The following BLNK variants were observed in gnomAD, a reference collection of about 807,000 sequenced individuals.
BLNK encodes B cell linker.
BLNK carries 29 observed loss-of-function variants against 73.5 expected under a neutral mutation model. That is an observed-to-expected ratio of 0.39 (90% CI 0.29 to 0.54). The LOEUF (loss-of-function observed/expected upper bound fraction) is 0.54, where lower values mean the gene tolerates loss of function less well. Among genes scored for constraint, BLNK ranks in the 20% least tolerant of loss-of-function variants. BLNK has a pLI of 0.61. For synonymous variants in BLNK, 176 were observed against 200.8 expected (o/e 0.88, Z 1.04); for missense variants, 460 against 562.8 (o/e 0.82, Z 1.85).
intron 9 of BLNK, among the ~76,000 whole-genome samples, chr10:96,208,479 T>C (rs1245863858): frequency 2.0e-5 from 3 of 152,176 alleles, no homozygotes; most frequent in East Asian, 1.9e-4. Context: ...AAACCACTGA[T>C]GTGTGGTCCT....
At chr10:96,265,192 C>T (rs1198241072) in intron 1 of BLNK, among the ~76,000 whole-genome samples, 1 of 150,092 alleles carries the variant, frequency 6.7e-6, no homozygotes, top group Non-Finnish European at 1.5e-5. Flanking sequence ...TTATGTTGAC[C>T]CGGCTGGTCT....
chr10:96,236,439 A>G lies in BLNK; in HGVS notation c.164-5605T>C, dbSNP rs587645023. ...GGCCAGTCCCACCAGTGCCGCCCTAAGAGGAGAAAGGGACATGATTTAATG... is the reference window on the plus strand; with the variant it reads ...GGCCAGTCCCACCAGTGCCGCCCTAGGAGGAGAAAGGGACATGATTTAATG... On this transcript the variant is annotated intron_variant, in intron 3 of 16. Transcript: ENST00000224337. 2.0e-5 allele frequency among the ~76,000 whole-genome samples: 3 copies of G among 152,316 alleles called. No homozygotes were observed. The East Asian group carries it at 5.8e-4, about 29-fold the overall frequency.
chr10:96,244,523 C>T (rs765403795), intron 2 of BLNK, among the ~76,000 whole-genome samples: 14 of 152,158 alleles, frequency 9.2e-5, no homozygotes, highest in Non-Finnish European at 8.8e-5. Context: ...TTTTCTCATG[C>T]GGCCATAGAC....
At chr10:96,259,523 G>A (rs549282928) in intron 1 of BLNK, among the ~76,000 whole-genome samples, 107 of 152,170 alleles carry the variant, frequency 7.0e-4, no homozygotes, top group Non-Finnish European at 2.4e-4. Context: ...CTCAACACCC[G>A]AGGCAGAAAG....
rs138760943 is a variant in BLNK at position 96,231,882 on chromosome 10, C to G, written c.164-1048G>C. Among the ~76,000 whole-genome samples the G allele has an allele frequency of 9.3e-3, 1,411 of 152,336 alleles. 23 individuals are homozygous for G. The highest frequency in any genetic ancestry group is 0.032 in the African/African-American group (1,323 of 41,574). Reference sequence around the variant, plus strand: ...CTTCCACGGGCATGCGCTGAGCCCCCACATGGTGCTGCCTCGCTCCAGGGG... The same window carrying G: ...CTTCCACGGGCATGCGCTGAGCCCCGACATGGTGCTGCCTCGCTCCAGGGG... On this transcript the variant is annotated intron_variant, in intron 3 of 16. Transcript: ENST00000224337.
intron 1 of BLNK, among the ~76,000 whole-genome samples, chr10:96,257,521 A>T (rs1179171292): frequency 6.6e-6 from 1 of 152,254 alleles, no homozygotes; most frequent in Non-Finnish European, 1.5e-5. Flanking sequence ...CATGTTGGCC[A>T]TACTGGGGCC....
At chr10:96,207,834 G>A (rs2083857272) in intron 10 of BLNK, 38 bp downstream of exon 10, 1 of 1,610,834 alleles carries the variant, frequency 6.2e-7, no homozygotes, top group African/African-American at 1.3e-5. Context: ...AAACACTGCA[G>A]GAAATATGAA....
intron 1 of BLNK, 23 bp downstream of exon 1, chr10:96,271,329 G>A (rs1554915680): frequency 6.2e-7 from 1 of 1,612,176 alleles, no homozygotes; most frequent in Non-Finnish European, 8.5e-7. Flanking sequence ...ATGAAGAAGG[G>A]TATTGGGTGG....
At chr10:96,215,758 G>C (rs2084050298) in intron 7 of BLNK, 2 of 188,698 alleles carry the variant, frequency 1.1e-5, no homozygotes, top group South Asian at 1.2e-4. Flanking sequence ...ACCCCTTACT[G>C]GAGGGGCCCA....
chr10:96,193,327 C>T (rs782696626), intron 16 of BLNK, among the ~76,000 whole-genome samples: 4 of 152,130 alleles, frequency 2.6e-5, no homozygotes, highest in Non-Finnish European at 5.9e-5. Flanking sequence ...GGCCAGAAAA[C>T]GAAATAGCAC....
rs1751740730 is a variant in BLNK, at chr10:96,271,361, T to C, written c.38A>G (p.Gln13Arg). Residue 13 changes from glutamine to arginine, a missense_variant, in exon 1 of 17, where the codon CAG (glutamine) becomes CGG (arginine). By Grantham distance (43) the Gln-to-Arg change is conservative (BLOSUM62 1). This residue lies in a region of BLNK where 139 missense variants were observed against 187.3 expected (regional missense o/e 0.74). Transcript: ENST00000224337. ...GTGGGGAAAATCTTACCTCAACTTC[T>C]GACTGGCGGGGACGGTTATTTTATT... ...KLNKITVPAS[Q>R]KLRQLQKMVH... is the part of the protein sequence containing the mutation. 2 of 1,614,182 alleles carry C rather than the reference T, an allele frequency of 1.2e-6. No homozygotes were observed. The highest frequency in any genetic ancestry group is 4.5e-5 in the East Asian group (2 of 44,884).
At chr10:96,204,179 A>C in intron 12 of BLNK, 91 bp from the exon 13 acceptor site, 1 of 1,351,178 alleles carries the variant, frequency 7.4e-7, no homozygotes, top group South Asian at 1.2e-5. Flanking sequence ...GTGAACAGGC[A>C]CATCACAAAT....
In BLNK at chr10:96,204,622, T is replaced by A; in HGVS notation, c.818-6A>T. ...TTCAGCAGGTATAGGTTTTTCTGGATCAGGAAAATTATCATATTAGGATTA... is the reference window on the plus strand; with the variant it reads ...TTCAGCAGGTATAGGTTTTTCTGGAACAGGAAAATTATCATATTAGGATTA... On this transcript the variant is annotated splice_polypyrimidine_tract_variant and splice_region_variant and intron_variant, in intron 11 of 16. Transcript: ENST00000224337. The A allele has an allele frequency of 6.2e-7, 1 of 1,613,606 alleles. No individual in the cohort carries two copies. Among genetic ancestry groups the A allele is most frequent in the South Asian group, 1.1e-5 (1 of 91,078 alleles).
At chr10:96,199,185 T>C (rs1364519105) in intron 15 of BLNK, among the ~76,000 whole-genome samples, 1 of 152,072 alleles carries the variant, frequency 6.6e-6, no homozygotes, top group African/African-American at 2.4e-5. Context: ...GGAAGAACAG[T>C]ATGTAAATGC....
At chr10:96,208,603 T>C (rs893470450) in intron 9 of BLNK, among the ~76,000 whole-genome samples, 21 of 152,314 alleles carry the variant, frequency 1.4e-4, no homozygotes, top group African/African-American at 5.1e-4. Context: ...AAGATTCCAA[T>C]AGAGACTGGA....
chr10:96,192,235 A>G, intron 16 of BLNK, 143 bp from the exon 17 acceptor site: 2 of 1,179,728 alleles, frequency 1.7e-6, no homozygotes, highest in African/African-American at 1.5e-5. Context: ...CTAGTTTAAC[A>G]AAGGCTGTAA....
intron 8 of BLNK, among the ~76,000 whole-genome samples, chr10:96,211,771 T>C (rs1298149504): frequency 6.6e-6 from 1 of 152,238 alleles, no homozygotes; most frequent in Non-Finnish European, 1.5e-5. Context: ...AACAATAAAC[T>C]GAAATGTCAC....
intron 3 of BLNK, among the ~76,000 whole-genome samples, chr10:96,237,846 G>C (rs1456106788): frequency 6.6e-6 from 1 of 152,204 alleles, no homozygotes; most frequent in Non-Finnish European, 1.5e-5. Context: ...ACCTTGGACA[G>C]GATACTTAAT....
chr10:96,235,595 G>T (rs11188676), intron 3 of BLNK, among the ~76,000 whole-genome samples: 2 of 152,140 alleles, frequency 1.3e-5, no homozygotes, highest in African/African-American at 4.8e-5. Flanking sequence ...AGTTTTCTGA[G>T]AAATGTCCCC....
Sources: gnomAD v4.1 joint callset for allele counts (sites outside exome capture counted in the v4.1 genomes callset) on GRCh38, gnomAD v4.1.1 for gene constraint, gnomAD v4.1.1 regional missense constraint, MANE v1.5 for transcripts, NCBI Gene and HGNC (gene_info 2026-07-23, HGNC 2026-07-21) for gene names.